The following IFI16 variants were observed in gnomAD, a reference collection of about 807,000 sequenced individuals.
The protein encoded by IFI16 is interferon gamma inducible protein 16.
In IFI16, 49 loss-of-function variants were observed where a neutral mutation model predicts 68.4. The ratio of observed to expected loss-of-function variants is 0.72; its 90% CI spans 0.57 to 0.91. The LOEUF (loss-of-function observed/expected upper bound fraction) is 0.91, where lower values mean the gene tolerates loss of function less well. Ranked by LOEUF, IFI16 falls within the 40% of genes least tolerant of loss-of-function variation. The pLI is 0.00. For synonymous variants in IFI16, 307 were observed against 315.0 expected (o/e 0.97, Z 0.27); for missense variants, 878 against 942.9 (o/e 0.93, Z 0.90).
intron 6 of IFI16, among the ~76,000 whole-genome samples, chr1:159,029,214 T>G (rs1653848113): frequency 1.3e-5 from 2 of 152,306 alleles, no homozygotes; most frequent in East Asian, 1.9e-4. Flanking sequence ...TCTCAGCATT[T>G]GTTTGTCTGA....
chr1:159,037,975 G>A (rs539917148), intron 7 of IFI16, among the ~76,000 whole-genome samples: 122 of 152,104 alleles, frequency 8.0e-4, no homozygotes, highest in African/African-American at 2.8e-3. Flanking sequence ...CCATATATTC[G>A]TCATTGTATC....
intron 1 of IFI16, among the ~76,000 whole-genome samples, chr1:159,011,826 A>G (rs937504932): frequency 6.6e-6 from 1 of 152,158 alleles, no homozygotes; most frequent in Non-Finnish European, 1.5e-5. Context: ...ATCAAATTTG[A>G]TGAAAGTTGT....
intron 7 of IFI16, among the ~76,000 whole-genome samples, chr1:159,039,596 G>T (rs972492193): frequency 1.3e-5 from 2 of 152,018 alleles, no homozygotes; most frequent in East Asian, 1.9e-4. Context: ...CTCCCGCCTC[G>T]GCCTCCCAAA....
At chr1:159,019,447 G>T (rs139086514) in intron 5 of IFI16, among the ~76,000 whole-genome samples, 2 of 150,198 alleles carry the variant, frequency 1.3e-5, no homozygotes, top group Non-Finnish European at 1.5e-5. Flanking sequence ...ATTAACCTGC[G>T]TTACTTTCTG....
intron 6 of IFI16, among the ~76,000 whole-genome samples, chr1:159,027,442 GAT>G (rs1653740559): frequency 7.7e-6 from 1 of 130,704 alleles, no homozygotes; most frequent in Non-Finnish European, 1.5e-5. Context: ...TTTTGTTGAA[GAT>G]TTTTGCATCT....
chr1:159,035,426 T>A (rs1654262963), intron 7 of IFI16, among the ~76,000 whole-genome samples: 1 of 152,192 alleles, frequency 6.6e-6, no homozygotes, highest in Non-Finnish European at 1.5e-5. Context: ...ATGTGAGAAT[T>A]TCTAAGTCCC....
exon 1 of IFI16, chr1:159,000,194 A>T (rs80232312): frequency 0.013 from 3,159 of 239,848 alleles, 88 homozygotes; most frequent in African/African-American, 0.066. Context: ...TAGAGTATGC[A>T]GTTTGCCTGT....
intron 7 of IFI16, among the ~76,000 whole-genome samples, chr1:159,042,800 C>A (rs1654736896): frequency 1.5e-5 from 2 of 129,938 alleles, no homozygotes; most frequent in Non-Finnish European, 3.2e-5. Flanking sequence ...AGTGAGTTTA[C>A]ACTTGTGTGT....
chr1:159,031,295 C>T (rs1289728669), intron 6 of IFI16, among the ~76,000 whole-genome samples: 1 of 152,226 alleles, frequency 6.6e-6, no homozygotes, highest in East Asian at 1.9e-4. Flanking sequence ...TCAAGCCTCC[C>T]TGCCTGCTGT....
At chr1:159,053,840 C>T in intron 11 of IFI16, 116 bp downstream of exon 11, 1 of 720,108 alleles carries the variant, frequency 1.4e-6, no homozygotes. Flanking sequence ...GGAACAAAGC[C>T]TTGCACTTTA....
At chr1:159,041,303 C>T (rs1654621744) in intron 7 of IFI16, among the ~76,000 whole-genome samples, 1 of 152,168 alleles carries the variant, frequency 6.6e-6, no homozygotes, top group Non-Finnish European at 1.5e-5. Flanking sequence ...TGGGAATTCC[C>T]CAGGTGGAAC....
intron 6 of IFI16, among the ~76,000 whole-genome samples, chr1:159,030,207 A>AT (rs1221397013): frequency 2.0e-5 from 3 of 151,368 alleles, no homozygotes; most frequent in Non-Finnish European, 2.9e-5. Context: ...ATCCTGTAAC[A>AT]TTTTTTAAAT....
intron 7 of IFI16, 56 bp downstream of exon 7, chr1:159,032,747 AT>A: frequency 7.2e-7 from 1 of 1,392,568 alleles, no homozygotes; most frequent in Non-Finnish European, 9.7e-7. Context: ...TACAGGGATC[AT>A]TAGACTGTTG....
chr1:159,008,494 T>G (rs1187991541), upstream of IFI16, among the ~76,000 whole-genome samples: 1 of 152,232 alleles, frequency 6.6e-6, no homozygotes, highest in African/African-American at 2.4e-5. Flanking sequence ...TTGTGTGTTG[T>G]ATGCTGGAGT....
At chr1:159,024,125 A>G (rs896296356) in intron 6 of IFI16, among the ~76,000 whole-genome samples, 2 of 152,222 alleles carry the variant, frequency 1.3e-5, no homozygotes, top group Admixed American at 6.5e-5. Flanking sequence ...CGAAGGGAAT[A>G]TTTAATTCAT....
At chr1:159,003,683 C>T (rs1481702674), upstream of IFI16, among the ~76,000 whole-genome samples, 4 of 151,846 alleles carry the variant, frequency 2.6e-5, no homozygotes, top group African/African-American at 7.3e-5. Flanking sequence ...TGTTTTGAGA[C>T]GGGGTCTCGC....
At chr1:159,027,005 A>G (rs1280099559) in intron 6 of IFI16, among the ~76,000 whole-genome samples, 2 of 152,128 alleles carry the variant, frequency 1.3e-5, no homozygotes, top group Non-Finnish European at 2.9e-5. Flanking sequence ...CTCTTTGCCG[A>G]TTTGGATTTC....
Position 159,010,090 on chromosome 1 carries a change from C to T in IFI16, c.-92C>T, listed in dbSNP as rs1652452954. On this transcript the variant is annotated 5_prime_UTR_variant, in exon 1 of 12. Transcript: ENST00000295809. ...TTACTGATTTATCTCCCCCCTCACA[C>T]AAATAAGCATTGATTCCTGCATTTC... 6.6e-6 allele frequency: 1 copy of T among 151,164 alleles called. No homozygotes were observed. Among genetic ancestry groups the T allele is most frequent in the Non-Finnish European group, 1.5e-5 (1 of 68,022 alleles). The allele number at this position is 151,164 out of a possible 1,614,324, so 9.4% of individuals were successfully genotyped here.
chr1:159,018,399 C>T lies in IFI16; in HGVS notation c.720C>T (p.Phe240=). The T allele has an allele frequency of 1.2e-6, 2 of 1,614,026 alleles. No individual in the cohort carries two copies. The highest frequency in any genetic ancestry group is 2.2e-5 in the South Asian group (2 of 91,076). ...CAGTGGCTACACAGACACAGTTCTT[C>T]CATGTGAAGGTTTTAAACACCAGCT... ...HATVATQTQF[F]HVKVLNTSLK... Residue 240 remains phenylalanine, a synonymous_variant, in exon 5 of 12, where the codon TTC becomes TTT. Coordinates refer to ENST00000295809, the MANE Select transcript of IFI16 (RefSeq NM_001376587.1).
Sources: allele counts gnomAD v4.1 joint callset (sites outside exome capture counted in the v4.1 genomes callset), GRCh38; gene constraint gnomAD v4.1.1; transcripts MANE v1.5; gene names NCBI Gene and HGNC (gene_info 2026-07-23, HGNC 2026-07-21).